MYO9B: variants seen among roughly 807,000 people sequenced by gnomAD.
MYO9B encodes the protein myosin IXB.
Under a neutral mutation model 229.5 loss-of-function variants are expected in MYO9B, and 71 were observed. The ratio of observed to expected loss-of-function variants is 0.31; its 90% CI spans 0.26 to 0.38. The LOEUF (loss-of-function observed/expected upper bound fraction) is 0.38. Among genes scored for constraint, MYO9B ranks in the 10% least tolerant of loss-of-function variants. The pLI is 1.00. For missense variants in MYO9B, 2,255 were observed against 2,920.5 expected, an observed-to-expected ratio of 0.77 and a Z score of 5.25; for synonymous variants, 1,185 against 1,235.8, an observed-to-expected ratio of 0.96 and a Z score of 0.86.
chr19:17,083,026 CTTT>C (rs71334657), intron 1 of MYO9B, among the ~76,000 whole-genome samples: 3 of 90,904 alleles, frequency 3.3e-5, no homozygotes, highest in Admixed American at 2.9e-4. Context: ...GTGAATCTTG[CTTT>C]TTTTTTTTTT....
chr19:17,210,697 C>CTTGCTTCT lies in MYO9B; in HGVS notation c.5797-14_5797-7dup. 6.6e-7 allele frequency: 1 copy of CTTGCTTCT among 1,525,102 alleles called. No individual in the cohort carries two copies. The highest frequency in any genetic ancestry group is 8.8e-7 in the Non-Finnish European group (1 of 1,134,846). The allele number at this position is 1,525,102 out of a possible 1,614,324, so 94.5% of individuals were successfully genotyped here. On this transcript the variant is annotated splice_polypyrimidine_tract_variant and intron_variant, in intron 37 of 39. Coordinates refer to ENST00000682292, the MANE Select transcript of MYO9B (RefSeq NM_004145.4). ...CCACTCAGAGATGTCAGTGGGACCC[C>CTTGCTTCT]TTGCTTCTTTGTTTCAGAACAAGAG... is the stretch of plus-strand genomic sequence containing the variant.
intron 17 of MYO9B, 110 bp downstream of exon 17, chr19:17,185,097 C>T (rs1441783341): frequency 2.5e-5 from 38 of 1,506,976 alleles, no homozygotes; most frequent in South Asian, 6.0e-5. Context: ...AAAAATTGGC[C>T]GGGCGCGGTG....
At chr19:17,162,528 ATCC>A in intron 9 of MYO9B, 62 bp downstream of exon 9, 3 of 1,378,114 alleles carry the variant, frequency 2.2e-6, no homozygotes, top group Non-Finnish European at 3.0e-6. Flanking sequence ...CACTACCAAT[ATCC>A]TTGGTGGGCG....
chr19:17,192,283 CAAAA>C (rs35803676), intron 20 of MYO9B, among the ~76,000 whole-genome samples: 1 of 124,386 alleles, frequency 8.0e-6, no homozygotes. Flanking sequence ...GACTCCATCT[CAAAA>C]AAAAAAAAAA....
At chr19:17,202,729 C>G in intron 28 of MYO9B, 113 bp from the exon 29 acceptor site, 1 of 1,069,578 alleles carries the variant, frequency 9.3e-7, no homozygotes, top group South Asian at 1.5e-5. Flanking sequence ...TGATGCCACT[C>G]CAGGTGAGGG....
intron 3 of MYO9B, among the ~76,000 whole-genome samples, chr19:17,150,251 T>G (rs1403981213): frequency 6.6e-6 from 1 of 151,802 alleles, no homozygotes; most frequent in Non-Finnish European, 1.5e-5. Context: ...CTACTAAAAA[T>G]AACAAAATTA....
At chr19:17,115,975 G>C (rs902772052) in intron 2 of MYO9B, among the ~76,000 whole-genome samples, 3 of 152,080 alleles carry the variant, frequency 2.0e-5, no homozygotes, top group Non-Finnish European at 4.4e-5. Flanking sequence ...GGAGGACACA[G>C]ATAGAGATGT....
Position 17,154,316 on chromosome 19 carries a change from A to G in MYO9B, c.1100A>G (p.His367Arg), listed in dbSNP as rs1599375385. 1.1e-5 allele frequency: 17 copies of G among 1,611,000 alleles called. No individual in the cohort carries two copies. In the East Asian group the frequency reaches 3.8e-4, roughly 36 times the overall value. ...QPEDYFYLNQHNLKIEDGEDL... is the reference protein window; with the variant it reads ...QPEDYFYLNQRNLKIEDGEDL... Reference sequence around the variant, plus strand: ...AGTACCCATGCCTTTGTTTTCCAGCATAACTTGAAGATTGAAGATGGGGAG... The same window carrying G: ...AGTACCCATGCCTTTGTTTTCCAGCGTAACTTGAAGATTGAAGATGGGGAG... Residue 367 changes from histidine (H) to arginine (R), a missense_variant and splice_region_variant, in exon 6 of 40, where the codon CAT becomes CGT. His to Arg is a conservative substitution (Grantham distance 29). Transcript: ENST00000682292.
chr19:17,090,272 T>C lies in MYO9B; in HGVS notation c.-58-11388T>C, dbSNP rs375474058. 4.0e-5 allele frequency among the ~76,000 whole-genome samples: 6 copies of C among 151,746 alleles called. No homozygotes were observed. In the East Asian group the frequency reaches 1.2e-3, roughly 29 times the overall value. On this transcript the variant is annotated intron_variant, in intron 1 of 39. Coordinates refer to ENST00000682292, the MANE Select transcript of MYO9B (RefSeq NM_004145.4). Reference sequence around the variant, plus strand: ...CATCTTCCCACCTCAGCCTCCTGAGTAGCTGGGATTACAGGCACACACCAC... The same window carrying C: ...CATCTTCCCACCTCAGCCTCCTGAGCAGCTGGGATTACAGGCACACACCAC...
intron 22 of MYO9B, among the ~76,000 whole-genome samples, chr19:17,196,964 T>C (rs2073049782): frequency 6.6e-6 from 1 of 151,404 alleles, no homozygotes; most frequent in Non-Finnish European, 1.5e-5. Flanking sequence ...ATAGAGATGA[T>C]GGAGGGACGG....
intron 2 of MYO9B, among the ~76,000 whole-genome samples, chr19:17,117,320 C>T (rs2057914560): frequency 6.6e-6 from 1 of 152,200 alleles, no homozygotes; most frequent in Non-Finnish European, 1.5e-5. Context: ...TCCCCAATGT[C>T]ACAGTGCAGT....
intron 7 of MYO9B, chr19:17,157,240 C>A: frequency 1.7e-6 from 1 of 580,534 alleles, no homozygotes; most frequent in Non-Finnish European, 2.8e-6. Flanking sequence ...TCCTCCCACC[C>A]TCAAGTGAAA....
intron 2 of MYO9B, among the ~76,000 whole-genome samples, chr19:17,130,459 A>T (rs2072180800): frequency 6.6e-6 from 1 of 152,100 alleles, no homozygotes; most frequent in Non-Finnish European, 1.5e-5. Flanking sequence ...CTACTAAAAA[A>T]AATACAAAAA....
At position 17,183,856 on chromosome 19, in the gene MYO9B, G is replaced by T; in HGVS notation, c.2361G>T (p.Gln787His). 2 of 1,575,752 alleles carry T rather than the reference G, an allele frequency of 1.3e-6. No homozygotes were observed. Among genetic ancestry groups the T allele is most frequent in the Non-Finnish European group, 8.6e-7 (1 of 1,164,010 alleles). ...AAAGTAAAGGTATCAAACAAAAGCA[G>T]ATCATTCCAAAGGTAAAAAAAAAAA... ...ILKSKGIKQK[Q>H]IIPKNLLDSK... The change falls in exon 16 of 40, where the codon CAG becomes CAT. Residue 787 changes from glutamine to histidine, a missense_variant. Physicochemically the swap from Gln to His is conservative, Grantham distance 24 (BLOSUM62 0). This residue lies in a region of MYO9B where 155 missense variants were observed against 159.1 expected (regional missense o/e 0.97). Transcript: ENST00000682292.
chr19:17,171,113 T>A (rs1257025325), intron 11 of MYO9B, among the ~76,000 whole-genome samples: 1 of 152,198 alleles, frequency 6.6e-6, no homozygotes, highest in Non-Finnish European at 1.5e-5. Flanking sequence ...CATACCCTCT[T>A]TACAGTCCTG....
intron 2 of MYO9B, among the ~76,000 whole-genome samples, chr19:17,132,025 A>T (rs948645765): frequency 5.9e-5 from 9 of 151,472 alleles, no homozygotes; most frequent in African/African-American, 2.2e-4. Flanking sequence ...GACTAGAGGC[A>T]TGCATCACCA....
chr19:17,118,899 G>A (rs963684049), intron 2 of MYO9B, among the ~76,000 whole-genome samples: 1 of 152,150 alleles, frequency 6.6e-6, no homozygotes, highest in African/African-American at 2.4e-5. Context: ...ATGAGAAGAC[G>A]ACAAGGGCAG....
In MYO9B at chr19:17,166,698, A is replaced by G. The variant is rs188586477; in HGVS notation, c.1672-1245A>G. Reference sequence around the variant, plus strand: ...GCCCCAGTGTGTGTTGTTCCCCTCTATGTGTCCATGTGTTCTCATCATTTG... The same window carrying G: ...GCCCCAGTGTGTGTTGTTCCCCTCTGTGTGTCCATGTGTTCTCATCATTTG... On this transcript the variant is annotated intron_variant, in intron 10 of 39. Coordinates refer to ENST00000682292, the MANE Select transcript of MYO9B (RefSeq NM_004145.4). 2.9e-3 allele frequency among the ~76,000 whole-genome samples: 447 copies of G among 151,986 alleles called. 1 individual carries two copies. Among genetic ancestry groups the G allele is most frequent in the Non-Finnish European group, 2.3e-3 (155 of 67,974 alleles).
chr19:17,164,662 GT>G (rs1252249325), intron 10 of MYO9B, among the ~76,000 whole-genome samples: 1 of 152,194 alleles, frequency 6.6e-6, no homozygotes, highest in Non-Finnish European at 1.5e-5. Context: ...GATTATAGGC[GT>G]GAGCCACCGC....
Sources: allele counts gnomAD v4.1 joint callset (sites outside exome capture counted in the v4.1 genomes callset), GRCh38; gene constraint gnomAD v4.1.1; regional missense constraint gnomAD v4.1.1; transcripts MANE v1.5; gene names NCBI Gene and HGNC (gene_info 2026-07-23, HGNC 2026-07-21).